FRMD3: variants seen among roughly 807,000 people sequenced by gnomAD.
FRMD3 encodes the protein FERM domain-containing protein 3.
Under a neutral mutation model 70.2 loss-of-function variants are expected in FRMD3, and 33 were observed. The observed-to-expected ratio is 0.47, with a 90% CI of 0.36 to 0.63. The LOEUF (loss-of-function observed/expected upper bound fraction) is 0.63. Among genes scored for constraint, FRMD3 ranks in the 20% least tolerant of loss-of-function variants. The pLI is 0.00. For synonymous variants in FRMD3, 279 were observed against 255.9 expected (o/e 1.09, Z -0.86); for missense variants, 632 against 711.4 (o/e 0.89, Z 1.27).
chr9:83,461,705 T>G (rs914493392), intron 1 of FRMD3, among the ~76,000 whole-genome samples: 4 of 94,164 alleles, frequency 4.2e-5, no homozygotes, highest in Non-Finnish European at 8.1e-5. Flanking sequence ...TTTTTTTTTT[T>G]TGAGATGGAG....
chr9:83,525,348 T>G (rs1024485257), intron 1 of FRMD3, among the ~76,000 whole-genome samples: 6 of 152,218 alleles, frequency 3.9e-5, no homozygotes, highest in Non-Finnish European at 8.8e-5. Context: ...ATTCAGGTCA[T>G]TGCATTATTA....
chr9:83,335,768 G>C (rs1823557902), intron 5 of FRMD3, 129 bp from the exon 6 acceptor site: 8 of 705,398 alleles, frequency 1.1e-5, no homozygotes, highest in Middle Eastern at 5.1e-4. Context: ...ATATGTATCT[G>C]TACCCAGAGA....
chr9:83,500,552 G>A (rs1168865446), intron 1 of FRMD3, among the ~76,000 whole-genome samples: 1 of 127,624 alleles, frequency 7.8e-6, no homozygotes, highest in Admixed American at 8.0e-5. Context: ...TGTCAATATT[G>A]AGGAGTGGCC....
rs868771491 is a variant in FRMD3 at position 83,468,092 on chromosome 9, G to T, written c.147+69993C>A. ...TCTTGTTAGACAACAGGCTACAGTG[G>T]CACTGCATAGAGCTAAGCCCAATTG... On this transcript the variant is annotated intron_variant, in intron 1 of 13. Coordinates refer to ENST00000304195, the MANE Select transcript of FRMD3 (RefSeq NM_174938.6). Among the ~76,000 whole-genome samples, 12 of 152,224 alleles carry T rather than the reference G, an allele frequency of 7.9e-5. No homozygotes were observed. In the East Asian group the frequency reaches 1.5e-3, roughly 20 times the overall value.
At chr9:83,243,932 GC>G (rs1375439856), downstream of FRMD3, among the ~76,000 whole-genome samples, 3 of 152,088 alleles carry the variant, frequency 2.0e-5, no homozygotes, top group African/African-American at 7.2e-5. Flanking sequence ...ATCATGACCA[GC>G]CTGACCAACA....
intron 1 of FRMD3, among the ~76,000 whole-genome samples, chr9:83,463,613 A>G (rs2131443693): frequency 6.6e-6 from 1 of 152,298 alleles, no homozygotes; most frequent in Non-Finnish European, 1.5e-5. Context: ...GGGAACTACA[A>G]TTCAAGATGA....
At chr9:83,397,051 G>A (rs899344908) in intron 1 of FRMD3, among the ~76,000 whole-genome samples, 1 of 152,176 alleles carries the variant, frequency 6.6e-6, no homozygotes. Flanking sequence ...TGACTGATGA[G>A]CCCAGGAGCA....
At chr9:83,446,002 T>C (rs896622911) in intron 1 of FRMD3, among the ~76,000 whole-genome samples, 9 of 152,210 alleles carry the variant, frequency 5.9e-5, no homozygotes, top group Admixed American at 5.2e-4. Flanking sequence ...TATGTTTCTG[T>C]TATTCTCCTT....
chr9:83,307,677 T>C (rs1435846867), intron 10 of FRMD3, among the ~76,000 whole-genome samples: 1 of 152,164 alleles, frequency 6.6e-6, no homozygotes, highest in Non-Finnish European at 1.5e-5. Flanking sequence ...GACTGCTAAC[T>C]GGCATAAGGT....
chr9:83,354,235 G>A (rs571495712), intron 3 of FRMD3, among the ~76,000 whole-genome samples: 2 of 152,092 alleles, frequency 1.3e-5, no homozygotes, highest in South Asian at 4.2e-4. Context: ...CAAAAATTCT[G>A]TCTTATGGAA....
At chr9:83,376,994 G>A (rs1825170156) in intron 2 of FRMD3, among the ~76,000 whole-genome samples, 1 of 152,002 alleles carries the variant, frequency 6.6e-6, no homozygotes, top group Non-Finnish European at 1.5e-5. Flanking sequence ...TATTTTTTCT[G>A]CAATTTATAT....
intron 10 of FRMD3, among the ~76,000 whole-genome samples, chr9:83,304,671 T>C (rs2131029160): frequency 6.6e-6 from 1 of 152,350 alleles, no homozygotes; most frequent in African/African-American, 2.4e-5. Flanking sequence ...GCCTCAACCA[T>C]GTATCCAGTA....
At chr9:83,469,961 A>G (rs1828228660) in intron 1 of FRMD3, among the ~76,000 whole-genome samples, 1 of 152,242 alleles carries the variant, frequency 6.6e-6, no homozygotes, top group South Asian at 2.1e-4. Context: ...TCCCAGGCTG[A>G]AGAGCTCTGG....
At chr9:83,287,151 C>A (rs918968261) in intron 13 of FRMD3, among the ~76,000 whole-genome samples, 2 of 152,184 alleles carry the variant, frequency 1.3e-5, no homozygotes, top group Admixed American at 1.3e-4. Flanking sequence ...TCCCTGGGCT[C>A]CTCCAGTGGT....
intron 1 of FRMD3, among the ~76,000 whole-genome samples, chr9:83,518,779 G>A (rs182293448): frequency 9.9e-4 from 151 of 152,150 alleles, no homozygotes; most frequent in Middle Eastern, 3.4e-3. Context: ...GCATGGTACT[G>A]GTACCAAAAC....
intron 3 of FRMD3, among the ~76,000 whole-genome samples, chr9:83,354,515 A>C (rs1824272314): frequency 6.6e-6 from 1 of 152,166 alleles, no homozygotes; most frequent in Non-Finnish European, 1.5e-5. Context: ...AAGAAAGTAA[A>C]GGGGGCAAGT....
chr9:83,350,497 C>A (rs1470150113), intron 3 of FRMD3, among the ~76,000 whole-genome samples: 1 of 151,096 alleles, frequency 6.6e-6, no homozygotes. Flanking sequence ...GTGGCACATG[C>A]CTGTAATCCC....
At chr9:83,581,837 A>G in the FRMD3 span, among the ~76,000 whole-genome samples, 1 of 152,242 alleles carries the variant, frequency 6.6e-6, no homozygotes, top group Admixed American at 6.5e-5. Context: ...CCAAAAGACC[A>G]CATAGTGTAT....
intron 1 of FRMD3, among the ~76,000 whole-genome samples, chr9:83,523,871 GC>G (rs1243125710): frequency 6.6e-6 from 1 of 152,136 alleles, no homozygotes; most frequent in Non-Finnish European, 1.5e-5. Context: ...CACTCAAGGT[GC>G]CCCCTTGTGT....
Sources: allele counts gnomAD v4.1 joint callset (sites outside exome capture counted in the v4.1 genomes callset), GRCh38; gene constraint gnomAD v4.1.1; transcripts MANE v1.5; gene names NCBI Gene and HGNC (gene_info 2026-07-23, HGNC 2026-07-21).